Variants in ZNF608 observed in about 807,000 individuals in gnomAD.
The protein encoded by ZNF608 is zinc finger protein 608, also known as renal carcinoma antigen NY-REN-36.
A neutral mutation model predicts 109.0 loss-of-function variants in ZNF608; 12 were observed. The observed-to-expected ratio is 0.11, with a 90% CI of 0.07 to 0.18. The LOEUF is 0.18. ZNF608 is among the 10% of genes least tolerant of loss of function. The pLI is 1.00. For missense variants in ZNF608, 1,707 were observed against 1,879.3 expected (o/e 0.91, Z 1.70); for synonymous variants, 732 against 717.4 (o/e 1.02, Z -0.33).
At chr5:124,691,938 A>G (rs1389118359) in intron 3 of ZNF608, among the ~76,000 whole-genome samples, 1 of 152,186 alleles carries the variant, frequency 6.6e-6, no homozygotes, top group African/African-American at 2.4e-5. Context: ...AAGAAAATGA[A>G]CTAACATATG....
chr5:124,701,555 A>G (rs1042939265), intron 2 of ZNF608, among the ~76,000 whole-genome samples: 28 of 152,350 alleles, frequency 1.8e-4, no homozygotes, highest in African/African-American at 6.7e-4. Context: ...CGTTAGCCTC[A>G]GCAGACGTGA....
At chr5:124,658,905 T>C (rs1751127313) in intron 3 of ZNF608, among the ~76,000 whole-genome samples, 1 of 152,212 alleles carries the variant, frequency 6.6e-6, no homozygotes, top group Admixed American at 6.5e-5. Context: ...GCCATAATAA[T>C]GACACAGATC....
intron 3 of ZNF608, among the ~76,000 whole-genome samples, chr5:124,680,784 A>G (rs1055486329): frequency 6.6e-6 from 1 of 152,220 alleles, no homozygotes; most frequent in African/African-American, 2.4e-5. Flanking sequence ...TCTTCAGAGA[A>G]ATGAGGAGAT....
chr5:124,683,700 C>T (rs1752294134), intron 3 of ZNF608, among the ~76,000 whole-genome samples: 1 of 152,042 alleles, frequency 6.6e-6, no homozygotes, highest in Non-Finnish European at 1.5e-5. Flanking sequence ...AAACATATAA[C>T]CTGAATAAAA....
chr5:124,667,132 G>A (rs909737755), intron 3 of ZNF608, among the ~76,000 whole-genome samples: 5 of 152,144 alleles, frequency 3.3e-5, no homozygotes, highest in African/African-American at 1.2e-4. Context: ...CTGAGTGCAT[G>A]AAGTATTTAA....
chr5:124,640,923 C>G (rs1019231009), intron 8 of ZNF608, among the ~76,000 whole-genome samples: 1 of 152,168 alleles, frequency 6.6e-6, no homozygotes, highest in African/African-American at 2.4e-5. Context: ...CTCCCTTTTT[C>G]TACAATTTTC....
chr5:124,746,609 T>A lies in ZNF608; in HGVS notation c.-598A>T, dbSNP rs1375477931. 6 of 985,296 alleles carry A rather than the reference T, an allele frequency of 6.1e-6. No individual in the cohort carries two copies. The highest frequency in any genetic ancestry group is 3.5e-5 in the African/African-American group (2 of 57,234). The allele number at this position is 985,296 out of a possible 1,614,324, so 61.0% of individuals were successfully genotyped here. A position where few individuals can be genotyped will look rare whatever the true frequency, so the allele number is the denominator to read the frequency against. ...GTCACCGTGATCAGTAATGATCCCATGTAGCAAACCTACAGGCGTCCGCTA... is the reference window on the plus strand; with the variant it reads ...GTCACCGTGATCAGTAATGATCCCAAGTAGCAAACCTACAGGCGTCCGCTA... On this transcript the variant is annotated 5_prime_UTR_variant, in exon 1 of 10. The change abolishes an upstream ATG in the 5' untranslated region. Transcript: ENST00000513986.
rs755768822 is a variant in ZNF608, at chr5:124,647,515, C to A, written c.2869G>T (p.Gly957Cys). The A allele has an allele frequency of 3.1e-6, 5 of 1,614,182 alleles. No individual in the cohort carries two copies. The Admixed American group carries it at 8.3e-5, about 27-fold the overall frequency. Residue 957 changes from glycine to cysteine, a missense_variant, in exon 5 of 10, where the codon GGT (glycine) becomes TGT (cysteine). Coordinates refer to ENST00000513986, the MANE Select transcript of ZNF608 (RefSeq NM_020747.3). ...GGGGAACTGGCCTTTGATCTCATAC[C>A]CTCCGACCTGCTGTCAGAACCACCA... The part of the protein sequence containing the change: ...DDGGSDSRSE[G>C]MRSKASSPSD...
rs1749649907 is a variant in ZNF608 at position 124,746,598 on chromosome 5, T to C, written c.-587A>G. On this transcript the variant is annotated 5_prime_UTR_variant, in exon 1 of 10. Transcript: ENST00000513986. ...CAGACTTCAGAGTCACCGTGATCAG[T>C]AATGATCCCATGTAGCAAACCTACA... is the stretch of plus-strand genomic sequence containing the variant. 2 of 985,294 alleles carry C rather than the reference T, an allele frequency of 2.0e-6. No individual in the cohort carries two copies. The highest frequency in any genetic ancestry group is 2.4e-6 in the Non-Finnish European group (2 of 829,936). The allele number at this position is 985,294 out of a possible 1,614,324, so 61.0% of individuals were successfully genotyped here. A position where few individuals can be genotyped will look rare whatever the true frequency, so the allele number is the denominator to read the frequency against.
intron 2 of ZNF608, among the ~76,000 whole-genome samples, chr5:124,730,217 G>T (rs1748827791): frequency 6.6e-6 from 1 of 152,152 alleles, no homozygotes; most frequent in African/African-American, 2.4e-5. Context: ...TTAAACACTG[G>T]CAACAATGTG....
chr5:124,638,950 G>A, intron 9 of ZNF608, 183 bp downstream of exon 9: 1 of 805,128 alleles, frequency 1.2e-6, no homozygotes, highest in Non-Finnish European at 1.9e-6. Flanking sequence ...AACCCTTACA[G>A]AATGAGGTTC....
intron 3 of ZNF608, among the ~76,000 whole-genome samples, chr5:124,688,612 C>G (rs1561560722): frequency 6.6e-6 from 1 of 152,194 alleles, no homozygotes; most frequent in Non-Finnish European, 1.5e-5. Context: ...TACTTCAACT[C>G]AGCAATTCAG....
chr5:124,703,313 G>GT (rs1753131493), intron 2 of ZNF608, among the ~76,000 whole-genome samples: 2 of 152,108 alleles, frequency 1.3e-5, no homozygotes, highest in South Asian at 2.1e-4. Flanking sequence ...GTCTTATAGC[G>GT]TATCAGTTCT....
chr5:124,715,122 G>T (rs1488044802), intron 2 of ZNF608, among the ~76,000 whole-genome samples: 2 of 152,074 alleles, frequency 1.3e-5, no homozygotes, highest in African/African-American at 4.8e-5. Flanking sequence ...TGCTTCCTCA[G>T]CTATTTTATA....
chr5:124,693,818 A>T (rs567615853), intron 3 of ZNF608, among the ~76,000 whole-genome samples: 51 of 152,076 alleles, frequency 3.4e-4, no homozygotes, highest in Non-Finnish European at 6.5e-4. Flanking sequence ...AGTAAAGCAA[A>T]TCCAGGAAAA....
rs191750433 is a variant in ZNF608, at chr5:124,674,647, A to G, written c.1163-24950T>C. Among the ~76,000 whole-genome samples the G allele has an allele frequency of 5.3e-5, 8 of 152,286 alleles. No homozygotes were observed. In the East Asian group the frequency reaches 1.2e-3, roughly 22 times the overall value. On this transcript the variant is annotated intron_variant, in intron 3 of 9. Coordinates refer to ENST00000513986, the MANE Select transcript of ZNF608 (RefSeq NM_020747.3). ...TTGCTTTGAGACAGAGTCTCCCTCT[A>G]TCACCCAGTGTGGAGTGCAATGGTA...
At chr5:124,646,137 C>T (rs934846827) in intron 5 of ZNF608, among the ~76,000 whole-genome samples, 4 of 152,034 alleles carry the variant, frequency 2.6e-5, no homozygotes, top group Non-Finnish European at 1.5e-5. Context: ...CCAGGGTGGG[C>T]GGATCATGAG....
chr5:124,732,987 G>A (rs1486934685), intron 2 of ZNF608, among the ~76,000 whole-genome samples: 1 of 151,622 alleles, frequency 6.6e-6, no homozygotes, highest in Non-Finnish European at 1.5e-5. Flanking sequence ...ACTTGGCTAG[G>A]CAGTTCTCTC....
Position 124,649,684 on chromosome 5 carries a change from G to A in ZNF608, c.1176C>T (p.Val392=). 3.1e-6 allele frequency: 5 copies of A among 1,599,978 alleles called. No individual in the cohort carries two copies. Among genetic ancestry groups the A allele is most frequent in the Non-Finnish European group, 4.3e-6 (5 of 1,170,732 alleles). The change falls in exon 4 of 10, where the codon GTC becomes GTT. Residue 392 remains valine (V), a synonymous_variant. Transcript: ENST00000513986. ...WHETEEGVLV[V]NVTWRNKTYV... is the part of the protein sequence containing the mutation. ...ACGTTTTGTTCCTCCACGTGACATT[G>A]ACCACTAGGACACCTGCAGGAGGCA...
Sources: gnomAD v4.1 joint callset for allele counts (sites outside exome capture counted in the v4.1 genomes callset) on GRCh38, gnomAD v4.1.1 for gene constraint, MANE v1.5 for transcripts, NCBI Gene and HGNC (gene_info 2026-07-23, HGNC 2026-07-21) for gene names.